ARHGEF2: variants seen among roughly 807,000 people sequenced by gnomAD.
The protein encoded by ARHGEF2 is Rho/Rac guanine nucleotide exchange factor 2.
Under a neutral mutation model 121.0 loss-of-function variants are expected in ARHGEF2, and 22 were observed. The ratio of observed to expected loss-of-function variants is 0.18; its 90% CI spans 0.13 to 0.26. ARHGEF2 has a LOEUF of 0.26. ARHGEF2 is among the 10% of genes least tolerant of loss of function. ARHGEF2 has a pLI of 1.00. For missense variants in ARHGEF2, 907 were observed against 1,336.0 expected (o/e 0.68, Z 5.01); for synonymous variants, 487 against 530.0 (o/e 0.92, Z 1.11).
chr1:155,977,090 T>TA (rs1681433911), intron 1 of ARHGEF2, among the ~76,000 whole-genome samples: 1 of 152,076 alleles, frequency 6.6e-6, no homozygotes, highest in South Asian at 2.1e-4. Flanking sequence ...TAAGGACTCC[T>TA]AAGGGGTACT....
chr1:155,972,635 C>T (rs1486580738), intron 1 of ARHGEF2, among the ~76,000 whole-genome samples: 1 of 152,044 alleles, frequency 6.6e-6, no homozygotes, highest in Non-Finnish European at 1.5e-5. Context: ...CCATAACACC[C>T]ACCCCAGTGC....
chr1:155,978,569 C>T (rs1380925918), upstream of ARHGEF2: 19 of 1,275,392 alleles, frequency 1.5e-5, no homozygotes, highest in South Asian at 1.7e-4. This position sits in a 1 kb window ranked among gnomAD's most constrained non-coding sequence, Gnocchi z 4.1. Flanking sequence ...CACCCAGCAC[C>T]AGTTCCTCAA....
chr1:155,966,109 A>C (rs1679305609), intron 4 of ARHGEF2, among the ~76,000 whole-genome samples: 1 of 152,142 alleles, frequency 6.6e-6, no homozygotes, highest in African/African-American at 2.4e-5. Flanking sequence ...AAGCTGTCTG[A>C]ATTGACACTT....
chr1:155,951,375 G>A lies in ARHGEF2; in HGVS notation c.2260-103C>T, dbSNP rs1402121494. ...CAGATCATCGCTCCTGGAGAGCTTG[G>A]ATTGGGAGGGTATTTAGAAAGGCCT... is the stretch of plus-strand genomic sequence containing the variant. On this transcript the variant is annotated intron_variant, in intron 19 of 21. Coordinates refer to ENST00000361247, the MANE Select transcript of ARHGEF2 (RefSeq NM_001162383.2). This position sits in a 1 kb window ranked among gnomAD's most constrained non-coding sequence, Gnocchi z 5.1. The A allele has an allele frequency of 6.3e-7, 1 of 1,579,238 alleles. No homozygotes were observed.
At position 155,950,800 on chromosome 1, in the gene ARHGEF2, G is replaced by A; in HGVS notation, c.2703+29C>T. ...TCCATGGACCCTTATGTCCACCCCAGGTCCATTCACCACTGCAGGCCACCT... is the reference window on the plus strand; with the variant it reads ...TCCATGGACCCTTATGTCCACCCCAAGTCCATTCACCACTGCAGGCCACCT... On this transcript the variant is annotated intron_variant, in intron 20 of 21. Coordinates refer to ENST00000361247, the MANE Select transcript of ARHGEF2 (RefSeq NM_001162383.2). This position sits in a 1 kb window ranked among gnomAD's most constrained non-coding sequence, Gnocchi z 5.2. 2.6e-6 allele frequency: 4 copies of A among 1,514,464 alleles called. No individual in the cohort carries two copies. Among genetic ancestry groups the A allele is most frequent in the Non-Finnish European group, 3.5e-6 (4 of 1,131,488 alleles). 93.8% of individuals were successfully genotyped at this position (1,514,464 alleles called of 1,614,324 possible). A position where few individuals can be genotyped will look rare whatever the true frequency, so the allele number is the denominator to read the frequency against.
chr1:155,954,207 C>T (rs1257818219), intron 14 of ARHGEF2, among the ~76,000 whole-genome samples: 3 of 151,164 alleles, frequency 2.0e-5, no homozygotes, highest in Non-Finnish European at 2.9e-5. Context: ...GAACTCCTGA[C>T]CTCAAGAGAT....
In ARHGEF2 at chr1:155,958,407, A is replaced by AT; in HGVS notation, c.1469-12dup. The AT allele has an allele frequency of 6.2e-7, 1 of 1,611,764 alleles. No homozygotes were observed. Among genetic ancestry groups the AT allele is most frequent in the Non-Finnish European group, 8.5e-7 (1 of 1,178,034 alleles). ...GCAGCACTAGCACATCTGGAAGGGG[A>AT]TGAAGGTGGGAGAACAGTCAGCACT... is the stretch of plus-strand genomic sequence containing the variant. On this transcript the variant is annotated splice_polypyrimidine_tract_variant and intron_variant, in intron 11 of 21. Coordinates refer to ENST00000361247, the MANE Select transcript of ARHGEF2 (RefSeq NM_001162383.2).
chr1:155,972,819 A>C (rs549584737), intron 1 of ARHGEF2, among the ~76,000 whole-genome samples: 4 of 151,256 alleles, frequency 2.6e-5, no homozygotes, highest in Non-Finnish European at 5.9e-5. Context: ...CTTCCACCTC[A>C]GCCCTCCAAA....
intron 1 of ARHGEF2, chr1:155,970,901 C>G: frequency 1.0e-6 from 1 of 986,350 alleles, no homozygotes; most frequent in Non-Finnish European, 1.2e-6. Context: ...TCAATCCCTT[C>G]TCCCCTCATG....
At chr1:155,964,168 ATATATATATAT>A (rs1243127865) in intron 7 of ARHGEF2, among the ~76,000 whole-genome samples, 21 of 55,200 alleles carry the variant, frequency 3.8e-4, no homozygotes, top group African/African-American at 2.0e-3. Flanking sequence ...AAAAAAAAAA[ATATATATATAT>A]ATATATATAT....
chr1:155,963,299 A>ATTC (rs1678350689), intron 7 of ARHGEF2, 116 bp from the exon 8 acceptor site: 2 of 867,948 alleles, frequency 2.3e-6, no homozygotes, highest in Non-Finnish European at 3.5e-6. Context: ...CCAGGTTAAT[A>ATTC]TTCTGCATTA....
At chr1:155,955,055 C>G (rs1676384058) in intron 13 of ARHGEF2, 86 bp from the exon 14 acceptor site, 9 of 1,091,016 alleles carry the variant, frequency 8.2e-6, no homozygotes, top group Middle Eastern at 2.0e-4. Context: ...CCAAACATGC[C>G]TTATGCTTCC....
At chr1:155,970,665 G>C in intron 1 of ARHGEF2, 1 of 985,662 alleles carries the variant, frequency 1.0e-6, no homozygotes, top group Non-Finnish European at 1.2e-6. Flanking sequence ...GAGGCCACGA[G>C]GCCACGCCAG....
intron 1 of ARHGEF2, chr1:155,969,868 C>T (rs1680138155): frequency 1.0e-6 from 1 of 985,708 alleles, no homozygotes; most frequent in South Asian, 4.7e-5. Context: ...CCCCTGCCAC[C>T]CCCAACCCAG....
Position 155,950,571 on chromosome 1 carries a change from C to A in ARHGEF2, c.2704-89G>T. ...TGCTTGGCTGAAGGCAGCAGCTCTC[C>A]CCCCTGGGGCTCACCCATGAGTCCC... On this transcript the variant is annotated intron_variant, in intron 20 of 21. Transcript: ENST00000361247. This position sits in a 1 kb window ranked among gnomAD's most constrained non-coding sequence, Gnocchi z 5.2. The A allele has an allele frequency of 7.2e-7, 1 of 1,379,518 alleles. No individual in the cohort carries two copies. The highest frequency in any genetic ancestry group is 1.0e-6 in the Non-Finnish European group (1 of 989,712). The allele number at this position is 1,379,518 out of a possible 1,614,324, so 85.5% of individuals were successfully genotyped here.
Position 155,952,685 on chromosome 1 carries a change from A to G in ARHGEF2, c.1927T>C (p.Ser643Pro). Residue 643 changes from serine to proline, a missense_variant, in exon 15 of 22, where the codon TCT becomes CCT. Ser to Pro is a moderately conservative substitution (Grantham distance 74). This residue lies in a region of ARHGEF2 where 432 missense variants were observed against 559.5 expected (regional missense o/e 0.77). Coordinates refer to ENST00000361247, the MANE Select transcript of ARHGEF2 (RefSeq NM_001162383.2). Reference protein sequence around the residue: ...LPTLPRGLFRSESLESPRGER... With the variant: ...LPTLPRGLFRPESLESPRGER... Reference sequence around the variant, plus strand: ...CCACGAGGGGACTCAAGGGACTCAGAGCGGAAAAGGCCCCTGGGCAGGGTG... The same window carrying G: ...CCACGAGGGGACTCAAGGGACTCAGGGCGGAAAAGGCCCCTGGGCAGGGTG... 6.2e-7 allele frequency: 1 copy of G among 1,614,170 alleles called. No homozygotes were observed. Among genetic ancestry groups the G allele is most frequent in the Non-Finnish European group, 8.5e-7 (1 of 1,180,018 alleles).
chr1:155,958,198 T>C, intron 12 of ARHGEF2, 122 bp downstream of exon 12: 1 of 745,484 alleles, frequency 1.3e-6, no homozygotes, highest in Non-Finnish European at 2.3e-6. Flanking sequence ...ATTACGGTAA[T>C]AGTAACAATT....
In ARHGEF2 at chr1:155,950,707, A is replaced by G. The variant is rs1336940798; in HGVS notation, c.2703+122T>C. On this transcript the variant is annotated intron_variant, in intron 20 of 21. Transcript: ENST00000361247. This position sits in a 1 kb window ranked among gnomAD's most constrained non-coding sequence, Gnocchi z 5.2. ...TTTCAGTTCTCCAACCAGTATCTCA[A>G]TATCCTTCAAGTCAGTTGACTGATT... is the stretch of plus-strand genomic sequence containing the variant. 45 of 1,108,356 alleles carry G rather than the reference A, an allele frequency of 4.1e-5. No individual in the cohort carries two copies. The highest frequency in any genetic ancestry group is 6.3e-5 in the African/African-American group (4 of 63,680). The allele number at this position is 1,108,356 out of a possible 1,614,324, so 68.7% of individuals were successfully genotyped here.
intron 1 of ARHGEF2, chr1:155,970,011 C>T: frequency 4.1e-6 from 4 of 985,402 alleles, no homozygotes; most frequent in Non-Finnish European, 4.8e-6. Flanking sequence ...CACTCTTCCA[C>T]TCTGGGATCT....
Sources: allele counts gnomAD v4.1 joint callset (sites outside exome capture counted in the v4.1 genomes callset), GRCh38; gene constraint gnomAD v4.1.1; regional missense constraint gnomAD v4.1.1; non-coding constraint Gnocchi (gnomAD v3.1); transcripts MANE v1.5; gene names NCBI Gene and HGNC (gene_info 2026-07-23, HGNC 2026-07-21).